Variants in CARF observed in about 807,000 individuals in gnomAD.
The protein encoded by CARF is calcium-responsive transcription factor.
CARF carries 57 observed loss-of-function variants against 82.0 expected under a neutral mutation model. The ratio of observed to expected loss-of-function variants is 0.70; its 90% CI spans 0.56 to 0.87. The LOEUF (loss-of-function observed/expected upper bound fraction) is 0.87. Ranked by LOEUF, CARF falls within the 40% of genes least tolerant of loss-of-function variation. CARF has a pLI of 0.00. For synonymous variants in CARF, 268 were observed against 290.1 expected, an observed-to-expected ratio of 0.92 and a Z score of 0.77; for missense variants, 771 against 855.8, an observed-to-expected ratio of 0.90 and a Z score of 1.24.
intron 3 of CARF, among the ~76,000 whole-genome samples, chr2:202,933,504 G>C (rs1243145119): frequency 1.3e-5 from 2 of 152,106 alleles, no homozygotes; most frequent in Non-Finnish European, 2.9e-5. Flanking sequence ...TGGTAGGGTT[G>C]GTTACTGGAA....
chr2:202,945,216 A>G (rs2058437449), intron 5 of CARF, among the ~76,000 whole-genome samples: 1 of 152,166 alleles, frequency 6.6e-6, no homozygotes, highest in South Asian at 2.1e-4. Context: ...AGATTTTCAT[A>G]TATATATACT....
chr2:202,971,621 C>G lies in CARF; in HGVS notation c.1214C>G (p.Ala405Gly). 1.2e-6 allele frequency: 2 copies of G among 1,613,504 alleles called. No homozygotes were observed. Among genetic ancestry groups the G allele is most frequent in the Non-Finnish European group, 1.7e-6 (2 of 1,179,644 alleles). The change falls in exon 12 of 17, where the codon GCA becomes GGA. Residue 405 changes from alanine (A) to glycine (G), a missense_variant. By Grantham distance (60) the Ala-to-Gly change is moderately conservative. Coordinates refer to ENST00000438828, the MANE Select transcript of CARF (RefSeq NM_024744.17). ...PVSSLEEEET[A>G]VRDENCALPS... ...TCTTCTCTTGAAGAAGAGGAAACTG[C>G]AGTTAGAGATGAGAATTGTGCATTA...
chr2:202,938,057 G>A lies in CARF; in HGVS notation c.-43-3803G>A, dbSNP rs140776510. 3.2e-3 allele frequency among the ~76,000 whole-genome samples: 493 copies of A among 152,178 alleles called. 3 individuals carry two copies. The highest frequency in any genetic ancestry group is 0.011 in the African/African-American group (461 of 41,498). Reference sequence around the variant, plus strand: ...TAAAATGGGGTATCCATCCCCTCAAGCATTTATCCATCCCTTCAAGCATTT... The same window carrying A: ...TAAAATGGGGTATCCATCCCCTCAAACATTTATCCATCCCTTCAAGCATTT... On this transcript the variant is annotated intron_variant, in intron 3 of 16. Transcript: ENST00000438828.
chr2:202,973,753 A>G (rs2059905731), intron 12 of CARF, among the ~76,000 whole-genome samples: 1 of 152,232 alleles, frequency 6.6e-6, no homozygotes, highest in Admixed American at 6.5e-5. Flanking sequence ...AAACATTATT[A>G]TACTTAAACT....
At chr2:202,915,062 G>C (rs961842848) in intron 1 of CARF, among the ~76,000 whole-genome samples, 9 of 151,974 alleles carry the variant, frequency 5.9e-5, no homozygotes, top group African/African-American at 2.2e-4. Context: ...CTGTCGCGAG[G>C]CTGGAGTGCA....
rs768498233 is a variant in CARF, at chr2:202,971,676, T to A, written c.1269T>A (p.His423Gln). 2.5e-6 allele frequency: 4 copies of A among 1,613,448 alleles called. No homozygotes were observed. In the East Asian group the frequency reaches 8.9e-5, roughly 36 times the overall value. ...CACGTTTACATCCTCAAGTAGCACA[T>A]AAGATTCAAGAATTAGTATCACAGG... is the stretch of plus-strand genomic sequence containing the variant. ...LPSRLHPQVA[H>Q]KIQELVSQGI... The change falls in exon 12 of 17, where the codon CAT becomes CAA. Residue 423 changes from histidine to glutamine, a missense_variant. Transcript: ENST00000438828.
In CARF at chr2:202,983,768, G is replaced by A; in HGVS notation, c.*144G>A. ...GCTTTTATTTAAAACTGATATATTT[G>A]TTGCCAGTTCCATATTTTTACCTTC... On this transcript the variant is annotated 3_prime_UTR_variant, in exon 17 of 17. Coordinates refer to ENST00000438828, the MANE Select transcript of CARF (RefSeq NM_024744.17). 1 of 612,510 alleles carries A rather than the reference G, an allele frequency of 1.6e-6. No homozygotes were observed. The allele number at this position is 612,510 out of a possible 1,614,324, so 37.9% of individuals were successfully genotyped here. A position where few individuals can be genotyped will look rare whatever the true frequency, so the allele number is the denominator to read the frequency against.
intron 7 of CARF, among the ~76,000 whole-genome samples, chr2:202,955,029 T>A (rs1574663398): frequency 6.6e-6 from 1 of 151,544 alleles, no homozygotes; most frequent in Non-Finnish European, 1.5e-5. Flanking sequence ...AAAAAAAAAA[T>A]TCATTATAGT....
In CARF at chr2:202,982,239, T is replaced by C. The variant is rs1263458508; in HGVS notation, c.1857T>C (p.Asp619=). 6.8e-6 allele frequency: 11 copies of C among 1,614,142 alleles called. No homozygotes were observed. Among genetic ancestry groups the C allele is most frequent in the Non-Finnish European group, 9.3e-6 (11 of 1,180,016 alleles). The change falls in exon 16 of 17, where the codon GAT becomes GAC. Residue 619 remains aspartate, a synonymous_variant. Coordinates refer to ENST00000438828, the MANE Select transcript of CARF (RefSeq NM_024744.17). ...LLGQSHSLQR[D]TCLTQNNSTA... ...GTCAAAGTCATAGCCTTCAAAGAGA[T>C]ACATGCTTAACCCAAAACAATAGTA...
intron 7 of CARF, among the ~76,000 whole-genome samples, chr2:202,955,441 G>A (rs1412751435): frequency 6.6e-6 from 1 of 152,172 alleles, no homozygotes; most frequent in Non-Finnish European, 1.5e-5. Flanking sequence ...AAGTTGTTGG[G>A]ACTACGTGTA....
At chr2:202,928,188 AC>A (rs1442731720) in intron 3 of CARF, among the ~76,000 whole-genome samples, 1 of 152,044 alleles carries the variant, frequency 6.6e-6, no homozygotes, top group Non-Finnish European at 1.5e-5. Context: ...TATGAAATCA[AC>A]CTTTTAACTT....
rs114031690 is a variant in CARF at position 202,981,509 on chromosome 2, T to C, written c.1559-46T>C. On this transcript the variant is annotated intron_variant, in intron 14 of 16. Transcript: ENST00000438828. Reference sequence around the variant, plus strand: ...GTAATAAAGTATTTTTATGACTTCATAGAAGCCATAAAAATTATTTTAATA... The same window carrying C: ...GTAATAAAGTATTTTTATGACTTCACAGAAGCCATAAAAATTATTTTAATA... 4.1e-3 allele frequency: 5,285 copies of C among 1,304,654 alleles called. 188 individuals are homozygous for C. The African/African-American group carries it at 0.072, about 18-fold the overall frequency. 80.8% of individuals were successfully genotyped at this position (1,304,654 alleles called of 1,614,324 possible).
rs1396475801 is a variant in CARF, at chr2:202,961,230, C to T, written c.643-7C>T. The T allele has an allele frequency of 3.1e-6, 5 of 1,597,148 alleles. No homozygotes were observed. Among genetic ancestry groups the T allele is most frequent in the Admixed American group, 1.7e-5 (1 of 57,560 alleles). On this transcript the variant is annotated splice_polypyrimidine_tract_variant and splice_region_variant and intron_variant, in intron 8 of 16. Transcript: ENST00000438828. ...TAGTAATTTTGTTTAATTTCTACCA[C>T]ATGCAGAAAATTGGAGATTCATACC...
intron 1 of CARF, among the ~76,000 whole-genome samples, chr2:202,917,066 C>T (rs914149722): frequency 6.6e-6 from 1 of 151,710 alleles, no homozygotes; most frequent in African/African-American, 2.4e-5. Context: ...AAAAAATTAG[C>T]CGGGCGTAGT....
chr2:202,970,744 A>G (rs2059756269), intron 11 of CARF, among the ~76,000 whole-genome samples: 1 of 152,230 alleles, frequency 6.6e-6, no homozygotes, highest in Non-Finnish European at 1.5e-5. Flanking sequence ...CAGTTTGAAG[A>G]GCATTGCATA....
At position 202,961,436 on chromosome 2, in the gene CARF, T is replaced by A. The variant is rs1469905292; in HGVS notation, c.832+10T>A. ...CCATTTGTTAATGCAGGTACTTTTT[T>A]AAAGAATTATTTTAAAAGGTTCAGC... On this transcript the variant is annotated intron_variant, in intron 9 of 16. Transcript: ENST00000438828. 2.5e-6 allele frequency: 4 copies of A among 1,610,962 alleles called. No homozygotes were observed. In the African/African-American group the frequency reaches 4.0e-5, roughly 16 times the overall value.
chr2:202,961,127 A>G (rs1243224964), intron 8 of CARF, 110 bp from the exon 9 acceptor site: 19 of 838,392 alleles, frequency 2.3e-5, no homozygotes, highest in Non-Finnish European at 3.0e-5. Flanking sequence ...CACAAATGAC[A>G]TTCTCTTGTG....
At chr2:202,936,863 A>T (rs1694029382) in intron 3 of CARF, among the ~76,000 whole-genome samples, 1 of 152,232 alleles carries the variant, frequency 6.6e-6, no homozygotes, top group Non-Finnish European at 1.5e-5. Context: ...ATATCTAAGA[A>T]ACCATCACCA....
At position 202,987,434 on chromosome 2, in the gene CARF, A is replaced by G. The variant is rs925403511; in HGVS notation, c.*3810A>G. Among the ~76,000 whole-genome samples, 14 of 152,126 alleles carry G rather than the reference A, an allele frequency of 9.2e-5. No individual in the cohort carries two copies. The highest frequency in any genetic ancestry group is 2.7e-4 in the African/African-American group (11 of 41,424). On this transcript the variant is annotated 3_prime_UTR_variant, in exon 17 of 17. Coordinates refer to ENST00000438828, the MANE Select transcript of CARF (RefSeq NM_024744.17). ...AAATCTTAATCTCTCCAGAAGGGAT[A>G]CTGCATTGGTTCTTCTCCATCAGCT...
Sources: allele counts gnomAD v4.1 joint callset (sites outside exome capture counted in the v4.1 genomes callset), GRCh38; gene constraint gnomAD v4.1.1; transcripts MANE v1.5; gene names NCBI Gene and HGNC (gene_info 2026-07-23, HGNC 2026-07-21).